METTL24: variants seen among roughly 807,000 people sequenced by gnomAD.
METTL24 encodes the protein methyltransferase like 24.
A neutral mutation model predicts 32.7 loss-of-function variants in METTL24; 29 were observed. The observed-to-expected ratio is 0.89, with a 90% confidence interval of 0.66 to 1.21. The LOEUF (loss-of-function observed/expected upper bound fraction) is 1.21, where lower values mean the gene tolerates loss of function less well. Among genes scored for constraint, METTL24 ranks in the 50% most tolerant of loss-of-function variants. METTL24 has a pLI of 0.00. For missense variants in METTL24, 439 were observed against 468.1 expected, an observed-to-expected ratio of 0.94 and a Z score of 0.57; for synonymous variants, 163 against 179.5, an observed-to-expected ratio of 0.91 and a Z score of 0.73.
intron 4 of METTL24, among the ~76,000 whole-genome samples, chr6:110,268,842 G>A (rs1307361722): frequency 6.6e-6 from 1 of 152,030 alleles, no homozygotes; most frequent in Non-Finnish European, 1.5e-5. Context: ...TGGAATAACT[G>A]CCACAAAGCC....
chr6:110,319,943 CATCT>C (rs1282976250), intron 2 of METTL24, among the ~76,000 whole-genome samples: 5 of 152,170 alleles, frequency 3.3e-5, no homozygotes, highest in African/African-American at 1.2e-4. Flanking sequence ...TTTCCCCATC[CATCT>C]GTCTCCCCCC....
chr6:110,269,642 T>TTTTG (rs371917183), intron 4 of METTL24, among the ~76,000 whole-genome samples: 200 of 152,298 alleles, frequency 1.3e-3, no homozygotes, highest in African/African-American at 4.5e-3. Flanking sequence ...GAAGAAGTTT[T>TTTTG]TTTGTTTGTT....
At chr6:110,347,368 C>T (rs1772497824) in intron 1 of METTL24, among the ~76,000 whole-genome samples, 1 of 152,192 alleles carries the variant, frequency 6.6e-6, no homozygotes, top group Non-Finnish European at 1.5e-5. Flanking sequence ...ATGCAACTCT[C>T]CTAGTACAGT....
chr6:110,358,066 G>A lies in METTL24; in HGVS notation c.207C>T (p.Ser69=). 2.0e-6 allele frequency: 2 copies of A among 1,024,990 alleles called. No homozygotes were observed. The highest frequency in any genetic ancestry group is 1.7e-5 in the African/African-American group (1 of 57,902). 63.5% of individuals were successfully genotyped at this position (1,024,990 alleles called of 1,614,324 possible). ...TGCGCACGTAGGTCACCTGCCTCCT[G>A]CTGGCGCCGCGCGGCTGGCCCGGCG... The part of the protein sequence containing the change: ...PPAPGQPRGA[S]RRQVTYVRSG... The change falls in exon 1 of 5, where the codon AGC becomes AGT. Residue 69 remains serine (S), a synonymous_variant. Coordinates refer to ENST00000338882, the MANE Select transcript of METTL24 (RefSeq NM_001123364.3).
intron 4 of METTL24, among the ~76,000 whole-genome samples, chr6:110,262,176 G>T (rs2114700612): frequency 6.6e-6 from 1 of 152,222 alleles, no homozygotes; most frequent in East Asian, 1.9e-4. Flanking sequence ...ATGAATCCAG[G>T]AGCTGGTTTT....
At chr6:110,275,098 T>G (rs1290216424) in intron 4 of METTL24, among the ~76,000 whole-genome samples, 1 of 151,742 alleles carries the variant, frequency 6.6e-6, no homozygotes, top group African/African-American at 2.4e-5. Flanking sequence ...CATGCCTGTC[T>G]GCTTGCCTGA....
At chr6:110,283,154 A>G (rs1033106079) in intron 4 of METTL24, among the ~76,000 whole-genome samples, 1 of 152,128 alleles carries the variant, frequency 6.6e-6, no homozygotes, top group African/African-American at 2.4e-5. Flanking sequence ...CAATGCTCTA[A>G]GAATAGAAAG....
chr6:110,288,726 A>G (rs1399081936), intron 4 of METTL24, among the ~76,000 whole-genome samples: 1 of 152,130 alleles, frequency 6.6e-6, no homozygotes, highest in Non-Finnish European at 1.5e-5. Context: ...GAATGAACAC[A>G]GGGCGGTGAG....
intron 1 of METTL24, among the ~76,000 whole-genome samples, chr6:110,355,355 ATG>A (rs1772682057): frequency 6.6e-6 from 1 of 152,186 alleles, no homozygotes; most frequent in Non-Finnish European, 1.5e-5. Flanking sequence ...GTTACAGTGA[ATG>A]ACGTTTGGAG....
intron 3 of METTL24, among the ~76,000 whole-genome samples, chr6:110,313,048 C>G (rs969532274): frequency 1.3e-5 from 2 of 152,210 alleles, no homozygotes; most frequent in African/African-American, 4.8e-5. Flanking sequence ...TGGGCATATG[C>G]CCTATGGAGA....
chr6:110,309,629 GGC>G (rs759419583), intron 3 of METTL24, among the ~76,000 whole-genome samples: 1 of 151,968 alleles, frequency 6.6e-6, no homozygotes, highest in African/African-American at 2.4e-5. Context: ...GATGGCAGCA[GGC>G]AAAAAAAGGT....
At chr6:110,345,547 C>A (rs888717443) in intron 1 of METTL24, among the ~76,000 whole-genome samples, 2 of 152,182 alleles carry the variant, frequency 1.3e-5, no homozygotes, top group Non-Finnish European at 2.9e-5. Flanking sequence ...CAGTGATAGA[C>A]TGGATAAAGT....
At chr6:110,312,243 C>G (rs1469875015) in intron 3 of METTL24, among the ~76,000 whole-genome samples, 2 of 152,154 alleles carry the variant, frequency 1.3e-5, no homozygotes, top group Non-Finnish European at 2.9e-5. Flanking sequence ...CTTTTACACA[C>G]TGGTTTTGGG....
At chr6:110,271,024 T>C (rs1171653154) in intron 4 of METTL24, among the ~76,000 whole-genome samples, 2 of 151,770 alleles carry the variant, frequency 1.3e-5, no homozygotes, top group African/African-American at 4.8e-5. Flanking sequence ...ATTTTTCTTT[T>C]TTTTTTTGTA....
Position 110,250,743 on chromosome 6 carries a change from C to T in METTL24, c.787-4483G>A, listed in dbSNP as rs906230536. Among the ~76,000 whole-genome samples, 10 of 152,214 alleles carry T rather than the reference C, an allele frequency of 6.6e-5. 1 individual carries two copies. Among genetic ancestry groups the T allele is most frequent in the Admixed American group, 5.9e-4 (9 of 15,278 alleles). ...CAGCCAACACTGACTGCTCTGACCT[C>T]GCCAAGTGCCAAACCCAAGGCAGGT... is the stretch of plus-strand genomic sequence containing the variant. On this transcript the variant is annotated intron_variant, in intron 4 of 4. Coordinates refer to ENST00000338882, the MANE Select transcript of METTL24 (RefSeq NM_001123364.3).
At chr6:110,256,594 A>G (rs549420421) in intron 4 of METTL24, among the ~76,000 whole-genome samples, 2 of 152,214 alleles carry the variant, frequency 1.3e-5, no homozygotes, top group Non-Finnish European at 2.9e-5. Context: ...AGTCCCACCT[A>G]TTCTGCCTCC....
At chr6:110,307,990 G>T (rs1384772069) in intron 3 of METTL24, among the ~76,000 whole-genome samples, 2 of 152,176 alleles carry the variant, frequency 1.3e-5, no homozygotes, top group East Asian at 3.8e-4. Flanking sequence ...GAAGAAATAG[G>T]AAGGGGGAGA....
chr6:110,332,416 G>T (rs1772124816), intron 1 of METTL24: 1 of 569,762 alleles, frequency 1.8e-6, no homozygotes, highest in Non-Finnish European at 2.2e-6. Flanking sequence ...TTTATCATGG[G>T]CAGTAAAAAC....
intron 4 of METTL24, among the ~76,000 whole-genome samples, chr6:110,263,780 C>T (rs961167175): frequency 2.0e-4 from 30 of 152,128 alleles, no homozygotes; most frequent in Admixed American, 5.2e-4. Context: ...GAGATATAGA[C>T]CAATGGAACA....
Sources: allele counts gnomAD v4.1 joint callset (sites outside exome capture counted in the v4.1 genomes callset), GRCh38; gene constraint gnomAD v4.1.1; transcripts MANE v1.5; gene names NCBI Gene and HGNC (gene_info 2026-07-23, HGNC 2026-07-21).